Variants in TNIK observed in about 807,000 individuals in gnomAD.
TNIK encodes the protein TRAF2 and NCK-interacting protein kinase.
TNIK carries 49 observed loss-of-function variants against 191.3 expected under a neutral mutation model. The observed-to-expected ratio is 0.26, with a 90% CI of 0.20 to 0.32. The LOEUF (loss-of-function observed/expected upper bound fraction) is 0.32. TNIK is among the 10% of genes least tolerant of loss of function. TNIK has a pLI of 1.00. For synonymous variants in TNIK, 594 were observed against 600.9 expected, an observed-to-expected ratio of 0.99 and a Z score of 0.17; for missense variants, 1,155 against 1,702.3, an observed-to-expected ratio of 0.68 and a Z score of 5.66.
chr3:171,149,409 A>C (rs1444118440), intron 12 of TNIK, among the ~76,000 whole-genome samples: 1 of 152,224 alleles, frequency 6.6e-6, no homozygotes. Context: ...AAGCGTAGGC[A>C]GGAGCCTGGG....
chr3:171,098,544 C>A (rs1723028683), intron 22 of TNIK, among the ~76,000 whole-genome samples: 1 of 152,152 alleles, frequency 6.6e-6, no homozygotes, highest in Admixed American at 6.6e-5. Flanking sequence ...GCAAAACCAG[C>A]ACAGTGCATA....
chr3:171,205,340 GCTA>G (rs1739924109), intron 4 of TNIK, among the ~76,000 whole-genome samples: 1 of 152,226 alleles, frequency 6.6e-6, no homozygotes, highest in Non-Finnish European at 1.5e-5. Flanking sequence ...TAAGAAAGAA[GCTA>G]CTAGACAATT....
At chr3:171,438,973 C>T (rs927269258) in intron 1 of TNIK, among the ~76,000 whole-genome samples, 1 of 152,174 alleles carries the variant, frequency 6.6e-6, no homozygotes, top group African/African-American at 2.4e-5. Flanking sequence ...GACAGTAGTT[C>T]TACCATTAGA....
chr3:171,098,818 G>A (rs972524333), intron 22 of TNIK, among the ~76,000 whole-genome samples: 9 of 152,104 alleles, frequency 5.9e-5, no homozygotes, highest in African/African-American at 1.7e-4. Context: ...ACTTTTAATA[G>A]TATGAAATTT....
intron 3 of TNIK, among the ~76,000 whole-genome samples, chr3:171,213,907 G>A (rs1741159553): frequency 6.6e-6 from 1 of 152,048 alleles, no homozygotes; most frequent in African/African-American, 2.4e-5. Context: ...GATAACGGAT[G>A]TATGTTATAA....
Position 171,139,482 on chromosome 3 carries a change from T to G in TNIK, c.1407A>C (p.Gln469His). 1 of 1,613,354 alleles carries G rather than the reference T, an allele frequency of 6.2e-7. No homozygotes were observed. Among genetic ancestry groups the G allele is most frequent in the Non-Finnish European group, 8.5e-7 (1 of 1,179,532 alleles). ...GCTTTCTCATTACCAGAAGTAGAGC[T>G]TGTTCATGCAGTAGCTGCTGCTGCA... ...EILQQQLLHE[Q>H]ALLLEYKRKQ... Residue 469 changes from glutamine (Q) to histidine (H), a missense_variant, in exon 14 of 33, where the codon CAA (glutamine) becomes CAC (histidine). By Grantham distance (24) the Gln-to-His change is conservative. This residue lies in a region of TNIK where 735 missense variants were observed against 848.0 expected (regional missense o/e 0.87). Transcript: ENST00000436636.
intron 1 of TNIK, among the ~76,000 whole-genome samples, chr3:171,374,141 C>T (rs1716907046): frequency 6.6e-6 from 1 of 152,168 alleles, no homozygotes; most frequent in Admixed American, 6.5e-5. Flanking sequence ...AAAATGGGAT[C>T]AGAATGTAGA....
intron 15 of TNIK, 112 bp downstream of exon 15, chr3:171,138,079 G>GA: frequency 9.8e-7 from 1 of 1,015,584 alleles, no homozygotes; most frequent in Non-Finnish European, 1.3e-6. Context: ...TGTGTCTTAT[G>GA]ATGAATTGTT....
intron 26 of TNIK, among the ~76,000 whole-genome samples, chr3:171,082,937 G>A (rs1372707999): frequency 1.3e-5 from 2 of 152,138 alleles, no homozygotes; most frequent in Non-Finnish European, 2.9e-5. Context: ...TTAGGGAAAT[G>A]ATAAACCCAT....
chr3:171,132,667 TAC>T (rs2108599292), intron 15 of TNIK, among the ~76,000 whole-genome samples: 1 of 152,352 alleles, frequency 6.6e-6, no homozygotes, highest in East Asian at 1.9e-4. Flanking sequence ...ATTTGTAGGT[TAC>T]AGTGTCTCAC....
chr3:171,365,538 G>A (rs970157991), intron 2 of TNIK, among the ~76,000 whole-genome samples: 1 of 152,108 alleles, frequency 6.6e-6, no homozygotes, highest in Non-Finnish European at 1.5e-5. Context: ...AATAGCTCTA[G>A]AGGTATGAAA....
intron 2 of TNIK, among the ~76,000 whole-genome samples, chr3:171,276,316 A>G (rs1749741945): frequency 6.6e-6 from 1 of 152,202 alleles, no homozygotes; most frequent in South Asian, 2.1e-4. Context: ...GAACCAGTGG[A>G]TCTGAAGGAG....
chr3:171,132,033 A>G (rs1229964145), intron 15 of TNIK, among the ~76,000 whole-genome samples: 2 of 152,236 alleles, frequency 1.3e-5, no homozygotes, highest in Non-Finnish European at 2.9e-5. Flanking sequence ...ACTGGGAACA[A>G]CAAGATATGT....
chr3:171,357,150 T>C (rs1714204633), intron 2 of TNIK, among the ~76,000 whole-genome samples: 5 of 152,214 alleles, frequency 3.3e-5, no homozygotes. Context: ...ACACTGTTTT[T>C]ACTTATCAGG....
At chr3:171,288,069 CA>C (rs1365663635) in intron 2 of TNIK, among the ~76,000 whole-genome samples, 1 of 145,828 alleles carries the variant, frequency 6.9e-6, no homozygotes, top group Non-Finnish European at 1.5e-5. Flanking sequence ...ATTGCAAGAA[CA>C]AAAAACCAAA....
At chr3:171,286,015 A>C (rs16856118) in intron 2 of TNIK, among the ~76,000 whole-genome samples, 40,333 of 152,146 alleles carry the variant, frequency 0.27, 5,573 homozygotes, top group Non-Finnish European at 0.3. Flanking sequence ...CTATCTTAGC[A>C]TTCTTGGGAG....
Position 171,085,107 on chromosome 3 carries a change from T to C in TNIK, c.2998+11A>G, listed in dbSNP as rs1422109388. On this transcript the variant is annotated intron_variant, in intron 25 of 32. Coordinates refer to ENST00000436636, the MANE Select transcript of TNIK (RefSeq NM_015028.4). ...AAGCTGTTTTTTAAACACAGGGCCC[T>C]TCTTGCTTACCTGCGGCTGATGATT... is the stretch of plus-strand genomic sequence containing the variant. 4 of 1,595,356 alleles carry C rather than the reference T, an allele frequency of 2.5e-6. No homozygotes were observed. In the Admixed American group the frequency reaches 7.0e-5, roughly 28 times the overall value.
intron 24 of TNIK, 138 bp from the exon 25 acceptor site, chr3:171,085,367 A>G (rs1188110035): frequency 3.0e-6 from 2 of 668,036 alleles, no homozygotes; most frequent in Middle Eastern, 4.1e-4. Flanking sequence ...TGCTCTAGTC[A>G]GTGCGTGCCT....
At chr3:171,325,497 T>G (rs145940251) in intron 2 of TNIK, among the ~76,000 whole-genome samples, 37 of 152,336 alleles carry the variant, frequency 2.4e-4, no homozygotes, top group African/African-American at 8.9e-4. Context: ...ATATGGAACA[T>G]ACTTATAATG....
Sources: gnomAD v4.1 joint callset for allele counts (sites outside exome capture counted in the v4.1 genomes callset) on GRCh38, gnomAD v4.1.1 for gene constraint, gnomAD v4.1.1 regional missense constraint, MANE v1.5 for transcripts, NCBI Gene and HGNC (gene_info 2026-07-23, HGNC 2026-07-21) for gene names.